Variants in KRT71 observed in about 807,000 individuals in gnomAD.
KRT71 encodes keratin, type II cytoskeletal 71.
In KRT71, 42 loss-of-function variants were observed where a neutral mutation model predicts 46.2. That is an observed-to-expected ratio of 0.91 (90% confidence interval 0.71 to 1.18). The LOEUF (loss-of-function observed/expected upper bound fraction) is 1.18. Among genes scored for constraint, KRT71 ranks in the 50% most tolerant of loss-of-function variants. The probability of loss-of-function intolerance (pLI) is 0.00; values close to 1 mark genes in which losing one functional copy is unlikely to be tolerated. For synonymous variants in KRT71, 292 were observed against 277.8 expected, an observed-to-expected ratio of 1.05 and a Z score of -0.51; for missense variants, 708 against 677.9, an observed-to-expected ratio of 1.04 and a Z score of -0.49.
chr12:52,547,070 C>T (rs971961544), intron 6 of KRT71, among the ~76,000 whole-genome samples: 3 of 152,208 alleles, frequency 2.0e-5, no homozygotes. Flanking sequence ...TGTCCAAGAT[C>T]ACAAAGCAAC....
intron 8 of KRT71, 75 bp from the exon 9 acceptor site, chr12:52,544,818 G>T: frequency 7.7e-7 from 1 of 1,305,958 alleles, no homozygotes; most frequent in Non-Finnish European, 1.1e-6. Context: ...GGGCAGACAG[G>T]GCTTTTCTTG....
rs557732148 is a variant in KRT71, at chr12:52,544,240, G to A, written c.*292C>T. 62 of 503,404 alleles carry A rather than the reference G, an allele frequency of 1.2e-4. No individual in the cohort carries two copies. The highest frequency in any genetic ancestry group is 3.6e-4 in the Admixed American group (11 of 30,718). The allele number at this position is 503,404 out of a possible 1,614,324, so 31.2% of individuals were successfully genotyped here. On this transcript the variant is annotated 3_prime_UTR_variant, in exon 9 of 9. Coordinates refer to ENST00000267119, the MANE Select transcript of KRT71 (RefSeq NM_033448.3). ...GTAGTTAGCGACTGCGCTAGAGGCCGGGCAGAGGAGGAAAGCTGGCAGCCA... is the reference window on the plus strand; with the variant it reads ...GTAGTTAGCGACTGCGCTAGAGGCCAGGCAGAGGAGGAAAGCTGGCAGCCA...
At chr12:52,546,136 G>A in intron 7 of KRT71, 150 bp downstream of exon 7, 3 of 825,570 alleles carry the variant, frequency 3.6e-6, no homozygotes, top group Non-Finnish European at 5.6e-6. Flanking sequence ...TCCACTCATG[G>A]TAGTATTGTT....
intron 3 of KRT71, 30 bp downstream of exon 3, chr12:52,549,263 C>G (rs1939117661): frequency 6.3e-7 from 1 of 1,591,156 alleles, no homozygotes; most frequent in South Asian, 1.1e-5. Context: ...CAGGCCAGCC[C>G]CCGGGACTCA....
In KRT71 at chr12:52,548,731, C is replaced by A. The variant is rs1444939745; in HGVS notation, c.783G>T (p.Glu261Asp). ...LQAKVESMDQ[E>D]IKFFRCLFEA... ...CAAAGAGACACCTGAAGAACTTGATCTCCTGGTCCATGGATTCCACCTTGG... is the reference window on the plus strand; with the variant it reads ...CAAAGAGACACCTGAAGAACTTGATATCCTGGTCCATGGATTCCACCTTGG... The change falls in exon 4 of 9, where the codon GAG becomes GAT. Residue 261 changes from glutamate (E) to aspartate (D), a missense_variant. By Grantham distance (45) the Glu-to-Asp change is conservative (BLOSUM62 2). Coordinates refer to ENST00000267119, the MANE Select transcript of KRT71 (RefSeq NM_033448.3). 6.2e-7 allele frequency: 1 copy of A among 1,614,080 alleles called. No homozygotes were observed. The highest frequency in any genetic ancestry group is 1.3e-5 in the African/African-American group (1 of 74,938).
Position 52,547,869 on chromosome 12 carries a change from G to A in KRT71, c.1092C>T (p.Asn364=), listed in dbSNP as rs140800042. 852 of 1,614,074 alleles carry A rather than the reference G, an allele frequency of 5.3e-4. 3 individuals carry two copies. The African/African-American group carries it at 0.011, about 20-fold the overall frequency. The change falls in exon 6 of 9, where the codon AAC becomes AAT. Residue 364 remains asparagine, a synonymous_variant. Transcript: ENST00000267119. ...LIQRIRSEIE[N]VKKQASNLET... Reference sequence around the variant, plus strand: ...AACGTGCTCTCACCTGCTTCTTCACGTTCTCGATCTCTGAGCGGATTCTCT... The same window carrying A: ...AACGTGCTCTCACCTGCTTCTTCACATTCTCGATCTCTGAGCGGATTCTCT...
In KRT71 at chr12:52,544,599, T is replaced by A; in HGVS notation, c.1505A>T (p.Asn502Ile). ...CTTCCCTAGGGTGTCTTTGTAATCG[T>A]TGGCACTGCCCCGGCTCCTGCCCTC... ...GGEGRSRGSA[N>I]DYKDTLGKGS... The change falls in exon 9 of 9, where the codon AAC becomes ATC. Residue 502 changes from asparagine (N) to isoleucine (I), a missense_variant. Transcript: ENST00000267119. The A allele has an allele frequency of 6.2e-7, 1 of 1,614,116 alleles. No individual in the cohort carries two copies. The highest frequency in any genetic ancestry group is 8.5e-7 in the Non-Finnish European group (1 of 1,180,008).
chr12:52,548,027 C>G (rs767197498), intron 5 of KRT71, 45 bp from the exon 6 acceptor site: 3 of 1,610,044 alleles, frequency 1.9e-6, no homozygotes, highest in Non-Finnish European at 2.5e-6. Context: ...CGTGGGAGTG[C>G]ATGTATCTTG....
chr12:52,551,634 C>T (rs1023061362), intron 1 of KRT71, among the ~76,000 whole-genome samples: 9 of 152,142 alleles, frequency 5.9e-5, no homozygotes, highest in African/African-American at 9.7e-5. Flanking sequence ...TGGGTTGACC[C>T]GTCCTTGGTG....
At chr12:52,550,901 G>A (rs1010963452) in intron 1 of KRT71, among the ~76,000 whole-genome samples, 5 of 152,238 alleles carry the variant, frequency 3.3e-5, no homozygotes, top group African/African-American at 9.6e-5. Context: ...GGGATGGGGA[G>A]CACAGTTTTT....
At position 52,552,690 on chromosome 12, in the gene KRT71, C is replaced by A. The variant is rs1300438320; in HGVS notation, c.388G>T (p.Glu130Ter). ...DPEIQKVRAQ[E>*]REQIKALNNK... ...TTCAGAGCCTTGATCTGCTCTCGCT[C>A]CTGGGCACGCACTTTCTGGATCTCG... The change falls in exon 1 of 9, where the codon GAG (glutamate) becomes TAG (stop). Residue 130 changes from glutamate (E) to a stop codon, truncating the protein, a stop_gained. Coordinates refer to ENST00000267119, the MANE Select transcript of KRT71 (RefSeq NM_033448.3). LOFTEE classifies it high-confidence loss of function. 4 of 1,613,828 alleles carry A rather than the reference C, an allele frequency of 2.5e-6. No individual in the cohort carries two copies. In the African/African-American group the frequency reaches 5.3e-5, roughly 22 times the overall value.
In KRT71 at chr12:52,546,314, G is replaced by C. The variant is rs991709906; in HGVS notation, c.1297C>G (p.Arg433Gly). Reference sequence around the variant, plus strand: ...CACTCCTCGCTCTCCAGTAGCTTGCGATAGGTGGCGATCTCCATGTCCAGG... The same window carrying C: ...CACTCCTCGCTCTCCAGTAGCTTGCCATAGGTGGCGATCTCCATGTCCAGG... ...LALDMEIATYRKLLESEECRM... is the reference protein window; with the variant it reads ...LALDMEIATYGKLLESEECRM... The change falls in exon 7 of 9, where the codon CGC becomes GGC. Residue 433 changes from arginine to glycine, a missense_variant. Coordinates refer to ENST00000267119, the MANE Select transcript of KRT71 (RefSeq NM_033448.3). The C allele has an allele frequency of 2.5e-6, 4 of 1,614,144 alleles. No homozygotes were observed. The East Asian group carries it at 8.9e-5, about 36-fold the overall frequency.
intron 4 of KRT71, 95 bp from the exon 5 acceptor site, chr12:52,548,411 T>C: frequency 7.1e-7 from 1 of 1,416,890 alleles, no homozygotes; most frequent in East Asian, 2.3e-5. Context: ...TGATGCCATC[T>C]TGGAGGCTGG....
At chr12:52,544,875 G>T in intron 8 of KRT71, 132 bp from the exon 9 acceptor site, 1 of 729,942 alleles carries the variant, frequency 1.4e-6, no homozygotes, top group Non-Finnish European at 2.3e-6. Context: ...TCCCTGGGGA[G>T]AATGTACCAA....
chr12:52,545,898 C>T (rs73105537), intron 7 of KRT71, among the ~76,000 whole-genome samples: 1,959 of 152,254 alleles, frequency 0.013, 28 homozygotes, highest in Non-Finnish European at 0.018. Context: ...CCTGTAGAGC[C>T]CTGGGGAAGC....
rs1939020027 is a variant in KRT71 at position 52,544,452 on chromosome 12, G to A, written c.*80C>T. Reference sequence around the variant, plus strand: ...GCAGGACCAGCAGGGTGGAGATGGAGCTGAGAGTGGGCTGTGGGAAGTACA... The same window carrying A: ...GCAGGACCAGCAGGGTGGAGATGGAACTGAGAGTGGGCTGTGGGAAGTACA... On this transcript the variant is annotated 3_prime_UTR_variant, in exon 9 of 9. Coordinates refer to ENST00000267119, the MANE Select transcript of KRT71 (RefSeq NM_033448.3). 9 of 1,285,016 alleles carry A rather than the reference G, an allele frequency of 7.0e-6. No homozygotes were observed. Among genetic ancestry groups the A allele is most frequent in the Middle Eastern group, 3.8e-4 (2 of 5,312 alleles). The allele number at this position is 1,285,016 out of a possible 1,614,324, so 79.6% of individuals were successfully genotyped here.
At chr12:52,545,740 G>A in intron 7 of KRT71, 141 bp from the exon 8 acceptor site, 1 of 581,760 alleles carries the variant, frequency 1.7e-6, no homozygotes, top group South Asian at 2.5e-5. Flanking sequence ...TCTGATGCAA[G>A]CAGAGCCTGA....
intron 6 of KRT71, among the ~76,000 whole-genome samples, chr12:52,547,106 A>G (rs1365862707): frequency 1.3e-5 from 2 of 152,224 alleles, no homozygotes; most frequent in Non-Finnish European, 2.9e-5. Flanking sequence ...ACAAAAGAAT[A>G]GAAGGAGCAC....
chr12:52,551,496 G>A (rs4761931), intron 1 of KRT71, among the ~76,000 whole-genome samples: 48,964 of 152,168 alleles, frequency 0.32, 9,984 homozygotes, highest in East Asian at 0.65. Flanking sequence ...ATAAGAAGCC[G>A]CAGAGCCAGT....
Sources: allele counts gnomAD v4.1 joint callset (sites outside exome capture counted in the v4.1 genomes callset), GRCh38; gene constraint gnomAD v4.1.1; transcripts MANE v1.5; gene names NCBI Gene and HGNC (gene_info 2026-07-23, HGNC 2026-07-21).